Variants in COL21A1 observed in about 807,000 individuals in gnomAD.
COL21A1 encodes collagen type XXI alpha 1 chain.
Under a neutral mutation model 137.9 loss-of-function variants are expected in COL21A1, and 149 were observed. The ratio of observed to expected loss-of-function variants is 1.08; its 90% confidence interval spans 0.95 to 1.24. The LOEUF (loss-of-function observed/expected upper bound fraction) is 1.24. COL21A1 is among the 50% of genes most tolerant of loss of function. COL21A1 has a pLI of 0.00. For missense variants in COL21A1, 1,167 were observed against 1,158.4 expected, an observed-to-expected ratio of 1.01 and a Z score of -0.11; for synonymous variants, 456 against 391.5, an observed-to-expected ratio of 1.16 and a Z score of -1.95.
intron 1 of COL21A1, among the ~76,000 whole-genome samples, chr6:56,322,884 C>CAAA (rs386407164): frequency 0.23 from 30,358 of 129,488 alleles, 4,465 homozygotes; most frequent in Middle Eastern, 0.43. Context: ...CCTCTGCTAT[C>CAAA]AAAAAAAAAA....
intron 28 of COL21A1, among the ~76,000 whole-genome samples, 188 bp downstream of exon 28, chr6:56,059,830 T>G (rs1765640808): frequency 6.6e-6 from 1 of 152,192 alleles, no homozygotes; most frequent in South Asian, 2.1e-4. Context: ...ATTTGACTTC[T>G]CTTTTTGAGA....
chr6:56,136,540 A>G (rs1774016541), intron 12 of COL21A1, among the ~76,000 whole-genome samples: 1 of 151,972 alleles, frequency 6.6e-6, no homozygotes, highest in Admixed American at 6.6e-5. Context: ...TGCTTTCCAA[A>G]CCTTTCATGG....
At chr6:56,258,614 C>G (rs1319851340) in intron 1 of COL21A1, among the ~76,000 whole-genome samples, 1 of 152,186 alleles carries the variant, frequency 6.6e-6, no homozygotes, top group African/African-American at 2.4e-5. Flanking sequence ...CACATGCACT[C>G]TATTTGCACA....
At chr6:56,217,884 G>T (rs1025006068) in intron 1 of COL21A1, among the ~76,000 whole-genome samples, 3 of 152,062 alleles carry the variant, frequency 2.0e-5, no homozygotes, top group African/African-American at 7.2e-5. Flanking sequence ...CACCAGGTAT[G>T]TGATCCTCCT....
At chr6:56,300,376 T>C (rs1288190324) in intron 1 of COL21A1, among the ~76,000 whole-genome samples, 1 of 152,170 alleles carries the variant, frequency 6.6e-6, no homozygotes, top group Non-Finnish European at 1.5e-5. Context: ...TAATCCTCTT[T>C]GCTTTTGTAT....
At chr6:56,372,223 T>G (rs576917077) in intron 1 of COL21A1, among the ~76,000 whole-genome samples, 19 of 152,308 alleles carry the variant, frequency 1.2e-4, no homozygotes, top group Middle Eastern at 6.8e-3. Flanking sequence ...AAGCAGACAC[T>G]TTGACCCTGC....
At chr6:56,387,105 C>G (rs2094019605) in intron 1 of COL21A1, among the ~76,000 whole-genome samples, 1 of 152,176 alleles carries the variant, frequency 6.6e-6, no homozygotes, top group Non-Finnish European at 1.5e-5. Context: ...GCGTTAAATG[C>G]TTCTAAGGAT....
intron 1 of COL21A1, among the ~76,000 whole-genome samples, chr6:56,341,187 T>C (rs1204017969): frequency 6.9e-6 from 1 of 145,322 alleles, no homozygotes; most frequent in Non-Finnish European, 1.5e-5. Context: ...AATTTAAAAC[T>C]GAATGAAAGA....
intron 12 of COL21A1, among the ~76,000 whole-genome samples, chr6:56,132,016 G>A (rs1180310927): frequency 6.6e-6 from 1 of 151,672 alleles, no homozygotes; most frequent in Non-Finnish European, 1.5e-5. Context: ...TATGTCAATA[G>A]ATCTAATAAC....
chr6:56,322,717 C>T (rs183317650), intron 1 of COL21A1, among the ~76,000 whole-genome samples: 1 of 152,052 alleles, frequency 6.6e-6, no homozygotes, highest in African/African-American at 2.4e-5. Context: ...ATTTGGTTGA[C>T]CCTTATTTTG....
intron 1 of COL21A1, among the ~76,000 whole-genome samples, chr6:56,201,793 C>T (rs935851349): frequency 7.2e-5 from 11 of 152,004 alleles, no homozygotes; most frequent in African/African-American, 2.2e-4. Context: ...AAATACATTT[C>T]AATTTTTAAA....
chr6:56,181,220 C>G (rs984705895), intron 2 of COL21A1, among the ~76,000 whole-genome samples: 2 of 152,154 alleles, frequency 1.3e-5, no homozygotes, highest in African/African-American at 4.8e-5. Flanking sequence ...GACACAATTC[C>G]AACAACCTCT....
chr6:56,249,114 C>T (rs981694616), upstream of COL21A1, among the ~76,000 whole-genome samples: 3 of 152,102 alleles, frequency 2.0e-5, no homozygotes, highest in Admixed American at 6.6e-5. Flanking sequence ...CCAATGAGAA[C>T]ATGAATGAAT....
intron 1 of COL21A1, among the ~76,000 whole-genome samples, chr6:56,190,838 C>T (rs1022297643): frequency 2.6e-5 from 4 of 152,124 alleles, no homozygotes; most frequent in Admixed American, 1.3e-4. Context: ...ATGTCAAAAA[C>T]CACATGATTA....
intron 10 of COL21A1, among the ~76,000 whole-genome samples, chr6:56,142,455 G>A (rs1246235818): frequency 6.6e-6 from 1 of 152,074 alleles, no homozygotes; most frequent in Non-Finnish European, 1.5e-5. Context: ...TTAGAAAGCT[G>A]CTGATGTTAA....
rs1476563920 is a variant in COL21A1 at position 56,060,209 on chromosome 6, G to T, written c.2417C>A (p.Pro806Gln). 1 of 1,597,296 alleles carries T rather than the reference G, an allele frequency of 6.3e-7. No individual in the cohort carries two copies. The highest frequency in any genetic ancestry group is 1.1e-5 in the South Asian group (1 of 88,132). The stretch of plus-strand genomic sequence containing the variant: ...AATTCTTCCACTCTGAAGTAAGACT[G>T]GTAGCTGGGCTTTCAAAAACAAAGA... ...VCTDVIRAQL[P>Q]VLLQSGRIRN... Residue 806 changes from proline to glutamine, a missense_variant, in exon 28 of 30, where the codon CCA becomes CAA. Transcript: ENST00000244728.
intron 16 of COL21A1, among the ~76,000 whole-genome samples, chr6:56,113,252 C>G (rs1229923274): frequency 2.0e-5 from 3 of 152,176 alleles, no homozygotes; most frequent in Admixed American, 2.0e-4. Context: ...CTTCTCCTAA[C>G]CCCAGACTGC....
chr6:56,315,795 A>G (rs1764717977), intron 1 of COL21A1, among the ~76,000 whole-genome samples: 1 of 151,534 alleles, frequency 6.6e-6, no homozygotes, highest in African/African-American at 2.4e-5. Context: ...AAGGAACTTA[A>G]AAAGCATACC....
At chr6:56,265,210 C>T (rs1283513937) in intron 1 of COL21A1, among the ~76,000 whole-genome samples, 1 of 152,186 alleles carries the variant, frequency 6.6e-6, no homozygotes, top group African/African-American at 2.4e-5. Flanking sequence ...GGTCAAGTGG[C>T]TGTCCCAGAA....
Sources: allele counts gnomAD v4.1 joint callset (sites outside exome capture counted in the v4.1 genomes callset), GRCh38; gene constraint gnomAD v4.1.1; transcripts MANE v1.5; gene names NCBI Gene and HGNC (gene_info 2026-07-23, HGNC 2026-07-21).